The following MILR1 variants were observed in gnomAD, a reference collection of about 807,000 sequenced individuals.
The protein encoded by MILR1 is mast cell immunoglobulin like receptor 1.
Under a neutral mutation model 18.5 loss-of-function variants are expected in MILR1, and 31 were observed. That is an observed-to-expected ratio of 1.68 (90% CI 1.26 to 2.26). MILR1 has a LOEUF of 2.26. MILR1 is among the 30% of genes most tolerant of loss of function. The pLI, the probability that MILR1 is intolerant of heterozygous loss-of-function variation, is 0.00. For missense variants in MILR1, 257 were observed against 157.4 expected, an observed-to-expected ratio of 1.63 and a Z score of -3.38; for synonymous variants, 85 against 56.2, an observed-to-expected ratio of 1.51 and a Z score of -2.30.
chr17:64,494,292 T>A, the MILR1 span, among the ~76,000 whole-genome samples: 1 of 152,220 alleles, frequency 6.6e-6, no homozygotes, highest in Non-Finnish European at 1.5e-5. Flanking sequence ...ACATAGTAGA[T>A]GTGTGTATCT....
the MILR1 span, chr17:64,487,600 T>G: frequency 8.3e-6 from 1 of 121,010 alleles, no homozygotes. Context: ...GGTGACAGAG[T>G]GAGACACCAT....
chr17:64,496,983 A>G, the MILR1 span: 3 of 1,599,364 alleles, frequency 1.9e-6, no homozygotes, highest in Admixed American at 5.0e-5. Flanking sequence ...CTCCGAAGTT[A>G]AAGAGCACAC....
At chr17:64,480,316 T>C in the MILR1 span, 1 of 1,585,938 alleles carries the variant, frequency 6.3e-7, no homozygotes, top group East Asian at 2.2e-5. Flanking sequence ...CAATGAGGAC[T>C]GCATAGTTTC....
At chr17:64,453,572 C>G (rs1477375443) in intron 3 of MILR1, among the ~76,000 whole-genome samples, 1 of 142,048 alleles carries the variant, frequency 7.0e-6, no homozygotes, top group East Asian at 2.0e-4. Flanking sequence ...AGCCTTGGGC[C>G]CCTTGGAGAG....
At chr17:64,491,003 T>G in the MILR1 span, 1 of 1,511,404 alleles carries the variant, frequency 6.6e-7, no homozygotes. Context: ...TCTTAACATA[T>G]TTAAATAAAC....
intron 8 of MILR1, among the ~76,000 whole-genome samples, 154 bp from the exon 9 acceptor site, chr17:64,467,411 A>G (rs1555663651): frequency 6.6e-6 from 1 of 152,124 alleles, no homozygotes; most frequent in Non-Finnish European, 1.5e-5. Context: ...ATGCCCAGCT[A>G]ACATTTTCAA....
the MILR1 span, among the ~76,000 whole-genome samples, chr17:64,475,121 G>A: frequency 1.3e-5 from 2 of 151,326 alleles, no homozygotes; most frequent in Non-Finnish European, 2.9e-5. Flanking sequence ...GGGAGGCAGA[G>A]GTTGCAGTAG....
Position 64,468,361 on chromosome 17 carries a change from T to C in MILR1, c.*80T>C, listed in dbSNP as rs1471898647. ...TGGAGTTCAGTAGCGCGATCTTGGC[T>C]CACTTCAATCTCCATCTTCCCAGTT... On this transcript the variant is annotated 3_prime_UTR_variant, in exon 10 of 10. Transcript: ENST00000619286. The C allele has an allele frequency of 6.6e-6, 3 of 451,968 alleles. No homozygotes were observed. The highest frequency in any genetic ancestry group is 1.3e-5 in the Non-Finnish European group (3 of 225,668). 28.0% of individuals were successfully genotyped at this position (451,968 alleles called of 1,614,324 possible). A position where few individuals can be genotyped will look rare whatever the true frequency, so the allele number is the denominator to read the frequency against.
At chr17:64,485,914 T>A in the MILR1 span, 14 of 1,597,058 alleles carry the variant, frequency 8.8e-6, no homozygotes, top group South Asian at 1.5e-4. Context: ...CAGAACTTTT[T>A]TTGTTTGTTT....
chr17:64,488,252 C>G, the MILR1 span, among the ~76,000 whole-genome samples: 1 of 151,726 alleles, frequency 6.6e-6, no homozygotes, highest in Non-Finnish European at 1.5e-5. Context: ...TTCAAGAAAG[C>G]ATACTAAATG....
chr17:64,474,752 A>G, the MILR1 span, among the ~76,000 whole-genome samples: 1 of 152,090 alleles, frequency 6.6e-6, no homozygotes, highest in Non-Finnish European at 1.5e-5. Context: ...AGAAACAAAG[A>G]CTGCCTTCTA....
chr17:64,462,239 A>G (rs2037447964), intron 5 of MILR1, among the ~76,000 whole-genome samples: 4 of 151,972 alleles, frequency 2.6e-5, no homozygotes, highest in African/African-American at 9.7e-5. Context: ...TATGTTGCCC[A>G]GGCTGGTCTC....
the MILR1 span, among the ~76,000 whole-genome samples, chr17:64,482,364 C>G: frequency 6.6e-6 from 1 of 151,456 alleles, no homozygotes; most frequent in Non-Finnish European, 1.5e-5. Context: ...CTCTGTCGCC[C>G]AGGCTGGAGT....
downstream of MILR1, among the ~76,000 whole-genome samples, chr17:64,469,887 G>T (rs1271563848): frequency 6.6e-6 from 1 of 152,152 alleles, no homozygotes; most frequent in African/African-American, 2.4e-5. Flanking sequence ...ACCCGACCCT[G>T]GTTATTAAGC....
At chr17:64,464,880 C>T (rs1288188829) in intron 5 of MILR1, among the ~76,000 whole-genome samples, 2 of 152,008 alleles carry the variant, frequency 1.3e-5, no homozygotes, top group Admixed American at 6.6e-5. Context: ...GCGGAGATTG[C>T]ACCATGGCAC....
At chr17:64,477,584 G>C in the MILR1 span, among the ~76,000 whole-genome samples, 1 of 152,184 alleles carries the variant, frequency 6.6e-6, no homozygotes, top group Non-Finnish European at 1.5e-5. Context: ...CTACCCGCTA[G>C]AGTTCTTGTA....
At chr17:64,496,537 G>C in the MILR1 span, 3 of 1,613,742 alleles carry the variant, frequency 1.9e-6, no homozygotes, top group African/African-American at 4.0e-5. Flanking sequence ...CTAACCTGAA[G>C]GCACTGTCCC....
chr17:64,484,399 C>CA, the MILR1 span, among the ~76,000 whole-genome samples: 2 of 152,122 alleles, frequency 1.3e-5, no homozygotes, highest in Non-Finnish European at 2.9e-5. Flanking sequence ...CTAGAAATAG[C>CA]AAGGTCAGTG....
chr17:64,476,261 C>A, the MILR1 span, among the ~76,000 whole-genome samples: 1 of 152,048 alleles, frequency 6.6e-6, no homozygotes. Flanking sequence ...TCACACCCAA[C>A]AAAATTGTAA....
Sources: gnomAD v4.1 joint callset for allele counts (sites outside exome capture counted in the v4.1 genomes callset) on GRCh38, gnomAD v4.1.1 for gene constraint, MANE v1.5 for transcripts, NCBI Gene and HGNC (gene_info 2026-07-23, HGNC 2026-07-21) for gene names.